Variants in ZDHHC11B observed in about 807,000 individuals in gnomAD.
The protein encoded by ZDHHC11B is probable palmitoyltransferase ZDHHC11B.
Under a neutral mutation model 42.3 loss-of-function variants are expected in ZDHHC11B, and 17 were observed. The ratio of observed to expected loss-of-function variants is 0.40; its 90% CI spans 0.27 to 0.60. The LOEUF is 0.60. Among genes scored for constraint, ZDHHC11B ranks in the 20% least tolerant of loss-of-function variants. The probability of loss-of-function intolerance (pLI) is 0.41; values close to 1 mark genes in which losing one functional copy is unlikely to be tolerated. For synonymous variants in ZDHHC11B, 123 were observed against 193.5 expected (o/e 0.64, Z 3.02); for missense variants, 262 against 463.2 (o/e 0.57, Z 3.99).
chr5:784,471 C>G (rs1737105527), intron 1 of ZDHHC11B, among the ~76,000 whole-genome samples, 197 bp downstream of exon 1: 1 of 152,248 alleles, frequency 6.6e-6, no homozygotes, highest in Non-Finnish European at 1.5e-5. Context: ...CGTCCTCGCA[C>G]CGAGCCCGCA....
intron 12 of ZDHHC11B, among the ~76,000 whole-genome samples, chr5:717,882 C>T (rs1741874531): frequency 6.6e-6 from 1 of 151,680 alleles, no homozygotes; most frequent in South Asian, 2.1e-4. Flanking sequence ...CAGGCAGTGA[C>T]TGCTGCTGCA....
At position 720,226 on chromosome 5, in the gene ZDHHC11B, G is replaced by C. The variant is rs532426294; in HGVS notation, c.1059-3361C>G. On this transcript the variant is annotated intron_variant, in intron 12 of 13. Transcript: ENST00000508859. ...AAGATCTACGCTAAGACACATTACA[G>C]TTAGATTGTCAAGGCATAGACAACG... Among the ~76,000 whole-genome samples, 203 of 151,936 alleles carry C rather than the reference G, an allele frequency of 1.3e-3. 1 individual carries two copies. The highest frequency in any genetic ancestry group is 1.6e-3 in the Non-Finnish European group (112 of 67,982).
chr5:724,377 T>C (rs909957328), intron 12 of ZDHHC11B, among the ~76,000 whole-genome samples: 1 of 138,302 alleles, frequency 7.2e-6, no homozygotes, highest in Non-Finnish European at 1.6e-5. Flanking sequence ...GCTAATTTTT[T>C]TTTTTTTTTT....
intron 4 of ZDHHC11B, among the ~76,000 whole-genome samples, chr5:757,282 GTCGCACAGCGCTGTCCTCCTT>G (rs1488183351): frequency 6.6e-6 from 1 of 151,884 alleles, no homozygotes; most frequent in Non-Finnish European, 1.5e-5. Flanking sequence ...GCCGGCCTGT[GTCGCACAGCGCTGTCCTCCTT>G]GGCCCCAGGG....
intron 13 of ZDHHC11B, 46 bp downstream of exon 13, chr5:716,755 A>G: frequency 1.2e-6 from 2 of 1,611,162 alleles, no homozygotes; most frequent in Non-Finnish European, 1.7e-6. Flanking sequence ...CTAGAGAACC[A>G]AACTTGGGTA....
Position 732,815 on chromosome 5 carries a change from A to T in ZDHHC11B, c.1023+937T>A, listed in dbSNP as rs544913431. ...GAGGCTCACGCCTCTAATTCCCCTG[A>T]GCCTGGGGAATCACTTGAGACCAGA... On this transcript the variant is annotated intron_variant, in intron 11 of 13. Transcript: ENST00000508859. 40 of 256,968 alleles carry T rather than the reference A, an allele frequency of 1.6e-4. 1 individual carries two copies. The highest frequency in any genetic ancestry group is 1.1e-3 in the East Asian group (10 of 8,906). The allele number at this position is 256,968 out of a possible 1,614,324, so 15.9% of individuals were successfully genotyped here.
chr5:774,881 T>TGCCCAC (rs1271326710), intron 1 of ZDHHC11B, among the ~76,000 whole-genome samples: 4 of 151,992 alleles, frequency 2.6e-5, no homozygotes, highest in Non-Finnish European at 5.9e-5. Context: ...CCTTGTTCAC[T>TGCCCAC]GCCCACGCCC....
chr5:713,738 C>G (rs1278248961), intron 13 of ZDHHC11B, among the ~76,000 whole-genome samples: 1 of 152,042 alleles, frequency 6.6e-6, no homozygotes. Flanking sequence ...TTCTCTTTTT[C>G]TTTCAGCTCT....
In ZDHHC11B at chr5:754,384, CCT is replaced by C. The variant is rs1210415538; in HGVS notation, c.503+612_503+613del. ...CGTGATCAGGGGAAACACCTCTCAT[CCT>C]TGTGCCTCCACCATGCTCAGGAGAA... On this transcript the variant is annotated intron_variant, in intron 6 of 13. Coordinates refer to ENST00000508859, the MANE Select transcript of ZDHHC11B (RefSeq NM_001351303.2). Among the ~76,000 whole-genome samples the C allele has an allele frequency of 2.4e-3, 285 of 121,270 alleles. 22 individuals carry two copies. The highest frequency in any genetic ancestry group is 4.6e-3 in the African/African-American group (171 of 36,804). The allele number at this position is 121,270 out of a possible 152,430, so 79.6% of individuals were successfully genotyped here.
intron 12 of ZDHHC11B, among the ~76,000 whole-genome samples, chr5:717,100 C>G (rs1268673817): frequency 2.6e-5 from 4 of 151,332 alleles, no homozygotes; most frequent in Non-Finnish European, 5.9e-5. Flanking sequence ...GATATAGAGA[C>G]AAAGTGTGCT....
chr5:748,016 T>C (rs1209698736), intron 8 of ZDHHC11B: 2 of 423,068 alleles, frequency 4.7e-6, no homozygotes, highest in Non-Finnish European at 8.1e-6. Flanking sequence ...TGTTAGAATT[T>C]CTACTTGTGC....
At chr5:770,800 G>A (rs1350553303) in intron 1 of ZDHHC11B, among the ~76,000 whole-genome samples, 1 of 151,978 alleles carries the variant, frequency 6.6e-6, no homozygotes, top group African/African-American at 2.4e-5. Flanking sequence ...GGGGGCACCG[G>A]TGTCAGGGTG....
At chr5:732,622 G>A (rs1463584199) in intron 11 of ZDHHC11B, 1 of 449,822 alleles carries the variant, frequency 2.2e-6, no homozygotes, top group Non-Finnish European at 4.5e-6. Flanking sequence ...CAAGTCACAG[G>A]AGCCTGTTCC....
intron 1 of ZDHHC11B, among the ~76,000 whole-genome samples, chr5:783,801 G>GC (rs1317608583): frequency 4.1e-5 from 4 of 98,428 alleles, no homozygotes; most frequent in East Asian, 3.2e-4. Context: ...CAAAACAGCA[G>GC]CCCCCTAAAC....
At chr5:769,498 C>T (rs1469985804) in intron 1 of ZDHHC11B, among the ~76,000 whole-genome samples, 6 of 151,622 alleles carry the variant, frequency 4.0e-5, no homozygotes, top group Non-Finnish European at 5.9e-5. Flanking sequence ...GAGAAAACCA[C>T]GCTGGCATGG....
At chr5:777,295 G>A (rs544454058) in intron 1 of ZDHHC11B, among the ~76,000 whole-genome samples, 2 of 151,724 alleles carry the variant, frequency 1.3e-5, no homozygotes, top group South Asian at 2.1e-4. Context: ...TCCTAGTCTC[G>A]CCGGCTTCAA....
chr5:751,359 T>C (rs1449613323), intron 6 of ZDHHC11B, 102 bp from the exon 7 acceptor site: 1 of 32,066 alleles, frequency 3.1e-5, no homozygotes, highest in Non-Finnish European at 8.4e-5. Flanking sequence ...GTGCACAGGG[T>C]GGGCAGGGGC....
chr5:745,403 T>G, intron 8 of ZDHHC11B, 105 bp from the exon 9 acceptor site: 1 of 983,058 alleles, frequency 1.0e-6, no homozygotes, highest in Non-Finnish European at 1.5e-6. Flanking sequence ...ATCCGGCCCC[T>G]GCACAGGGAG....
chr5:748,603 G>C (rs753393713), intron 7 of ZDHHC11B, 44 bp from the exon 8 acceptor site: 1 of 1,332,818 alleles, frequency 7.5e-7, no homozygotes, highest in East Asian at 3.5e-5. Flanking sequence ...ACCTGCTGAC[G>C]GGTGCCACAT....
Sources: allele counts gnomAD v4.1 joint callset (sites outside exome capture counted in the v4.1 genomes callset), GRCh38; gene constraint gnomAD v4.1.1; transcripts MANE v1.5; gene names NCBI Gene and HGNC (gene_info 2026-07-23, HGNC 2026-07-21).